CEP128: variants seen among roughly 807,000 people sequenced by gnomAD.
The protein encoded by CEP128 is centrosomal protein 128kDa.
A neutral mutation model predicts 156.7 loss-of-function variants in CEP128; 132 were observed. That is an observed-to-expected ratio of 0.84 (90% CI 0.73 to 0.97). The LOEUF is 0.97. CEP128 is among the 50% of genes least tolerant of loss of function. The pLI is 0.00. For synonymous variants in CEP128, 469 were observed against 448.9 expected (o/e 1.04, Z -0.57); for missense variants, 1,252 against 1,281.9 (o/e 0.98, Z 0.36).
chr14:80,649,854 C>T (rs1894822522), intron 19 of CEP128, among the ~76,000 whole-genome samples: 2 of 152,082 alleles, frequency 1.3e-5, no homozygotes, highest in Admixed American at 6.6e-5. Flanking sequence ...TAGCGTGGTG[C>T]CTCCAGCTTT....
rs144308102 is a variant in CEP128, at chr14:80,569,352, A to T, written c.2857-10050T>A. Among the ~76,000 whole-genome samples, 418 of 152,306 alleles carry T rather than the reference A, an allele frequency of 2.7e-3. 4 individuals carry two copies. Among genetic ancestry groups the T allele is most frequent in the East Asian group, 0.014 (75 of 5,182 alleles). On this transcript the variant is annotated intron_variant, in intron 20 of 24. Coordinates refer to ENST00000555265, the MANE Select transcript of CEP128 (RefSeq NM_152446.5). ...TAGTGATTTAGCTCAAAGCATCCTC[A>T]ACTGTATTGCTTTCAAAATCATCCC...
At chr14:80,554,871 T>A (rs186201298) in intron 21 of CEP128, among the ~76,000 whole-genome samples, 156 of 152,208 alleles carry the variant, frequency 1.0e-3, no homozygotes, top group African/African-American at 3.7e-3. Flanking sequence ...CCTTTTAATA[T>A]CTTATGTTGG....
chr14:80,581,057 T>C (rs1891571571), intron 19 of CEP128, among the ~76,000 whole-genome samples: 1 of 152,168 alleles, frequency 6.6e-6, no homozygotes, highest in Admixed American at 6.5e-5. Context: ...GGGAAGGTCG[T>C]CAACTGAAGA....
At chr14:80,663,319 G>A (rs1442713333) in intron 19 of CEP128, among the ~76,000 whole-genome samples, 1 of 152,114 alleles carries the variant, frequency 6.6e-6, no homozygotes, top group African/African-American at 2.4e-5. Flanking sequence ...TAGGATGGAG[G>A]CTAATGTCAC....
At chr14:80,563,510 AT>A (rs1464811110) in intron 20 of CEP128, among the ~76,000 whole-genome samples, 6 of 142,960 alleles carry the variant, frequency 4.2e-5, no homozygotes, top group Admixed American at 1.4e-4. Context: ...AAGCCTACCC[AT>A]GGGCCTCCAA....
chr14:80,531,085 A>G (rs1173435848), intron 21 of CEP128, 199 bp from the exon 22 acceptor site: 1 of 297,890 alleles, frequency 3.4e-6, no homozygotes, highest in African/African-American at 2.2e-5. Context: ...CCTTTTAAAA[A>G]GTATATGAGA....
intron 19 of CEP128, among the ~76,000 whole-genome samples, chr14:80,676,542 A>G (rs1308475142): frequency 1.3e-5 from 2 of 152,042 alleles, no homozygotes; most frequent in Non-Finnish European, 2.9e-5. Context: ...ATCTTAGTTT[A>G]TTGCACTAGC....
intron 13 of CEP128, among the ~76,000 whole-genome samples, chr14:80,828,126 T>TTC (rs1175634219): frequency 1.4e-5 from 2 of 146,424 alleles, no homozygotes; most frequent in African/African-American, 5.0e-5. Flanking sequence ...CTTTTTTCTT[T>TTC]TTTTTTTTTT....
At chr14:80,661,410 A>T (rs1895398240) in intron 19 of CEP128, among the ~76,000 whole-genome samples, 1 of 152,178 alleles carries the variant, frequency 6.6e-6, no homozygotes, top group Non-Finnish European at 1.5e-5. Context: ...TGGCAACCAC[A>T]GTGGAAGCAG....
intron 19 of CEP128, among the ~76,000 whole-genome samples, chr14:80,667,673 A>G (rs1006589642): frequency 4.6e-5 from 7 of 152,048 alleles, no homozygotes; most frequent in Non-Finnish European, 1.0e-4. Flanking sequence ...CCTGGCTAAC[A>G]CGGTGAAACC....
chr14:80,772,219 A>G (rs1326498714), intron 16 of CEP128, among the ~76,000 whole-genome samples: 2 of 152,088 alleles, frequency 1.3e-5, no homozygotes, highest in African/African-American at 2.4e-5. Flanking sequence ...CCATCCCTCT[A>G]TCTGGTACCC....
At chr14:80,918,442 G>C (rs1884677179) in intron 2 of CEP128, among the ~76,000 whole-genome samples, 1 of 152,098 alleles carries the variant, frequency 6.6e-6, no homozygotes, top group Admixed American at 6.5e-5. Context: ...GCTTACATAA[G>C]ACAACCCAAT....
chr14:80,826,614 G>C (rs577960050), intron 13 of CEP128, among the ~76,000 whole-genome samples: 1 of 151,936 alleles, frequency 6.6e-6, no homozygotes, highest in South Asian at 2.1e-4. Flanking sequence ...AGCTATTATT[G>C]ATTATCCTTT....
intron 3 of CEP128, 104 bp from the exon 4 acceptor site, chr14:80,914,512 C>T (rs376119997): frequency 8.7e-5 from 68 of 782,808 alleles, no homozygotes; most frequent in African/African-American, 8.3e-4. Flanking sequence ...GTAAAATGTA[C>T]AACTTTTATC....
intron 19 of CEP128, among the ~76,000 whole-genome samples, chr14:80,623,917 C>T (rs781736048): frequency 2.0e-5 from 3 of 152,142 alleles, no homozygotes; most frequent in Non-Finnish European, 4.4e-5. Context: ...TTTATCCTTT[C>T]TTTTTGTGGT....
intron 18 of CEP128, among the ~76,000 whole-genome samples, chr14:80,754,617 C>T (rs1899556130): frequency 6.6e-6 from 1 of 152,000 alleles, no homozygotes; most frequent in South Asian, 2.1e-4. Flanking sequence ...CACGTGCCAC[C>T]ATGACCGGCT....
intron 8 of CEP128, among the ~76,000 whole-genome samples, chr14:80,883,987 T>A (rs774693349): frequency 1.3e-5 from 2 of 152,060 alleles, no homozygotes; most frequent in Non-Finnish European, 2.9e-5. Context: ...AAAAGGAACA[T>A]CTCTTAAATG....
At chr14:80,742,953 A>G in intron 19 of CEP128, 122 bp downstream of exon 19, 1 of 801,538 alleles carries the variant, frequency 1.2e-6, no homozygotes, top group Admixed American at 2.5e-5. Context: ...CAAAGACAAG[A>G]AAAGGAGATG....
chr14:80,492,785 A>C (rs766836025), downstream of CEP128, among the ~76,000 whole-genome samples: 1 of 152,154 alleles, frequency 6.6e-6, no homozygotes, highest in African/African-American at 2.4e-5. Flanking sequence ...ATATTATCAA[A>C]ATTAAAGTTG....
Sources: allele counts gnomAD v4.1 joint callset (sites outside exome capture counted in the v4.1 genomes callset), GRCh38; gene constraint gnomAD v4.1.1; transcripts MANE v1.5; gene names NCBI Gene and HGNC (gene_info 2026-07-23, HGNC 2026-07-21).